TMED5: variants seen among roughly 807,000 people sequenced by gnomAD.
TMED5 encodes the protein transmembrane emp24 domain-containing protein 5.
In TMED5, 27 loss-of-function variants were observed where a neutral mutation model predicts 23.0. The observed-to-expected ratio is 1.17, with a 90% confidence interval of 0.86 to 1.62. TMED5 has a LOEUF of 1.62. Among genes scored for constraint, TMED5 ranks in the 40% most tolerant of loss-of-function variants. TMED5 has a pLI of 0.00. For synonymous variants in TMED5, 97 were observed against 100.8 expected (o/e 0.96, Z 0.23); for missense variants, 248 against 273.7 (o/e 0.91, Z 0.66).
intron 1 of TMED5, among the ~76,000 whole-genome samples, chr1:93,164,655 C>T (rs1197495640): frequency 6.6e-6 from 1 of 152,118 alleles, no homozygotes; most frequent in East Asian, 1.9e-4. Context: ...AAAATGTAGT[C>T]CTCCATCGTG....
rs1160202723 is a variant in TMED5, at chr1:93,152,255, CTTAG to C, written c.*2411_*2414del. 2.0e-5 allele frequency: 3 copies of C among 152,142 alleles called. No homozygotes were observed. The highest frequency in any genetic ancestry group is 6.6e-5 in the Admixed American group (1 of 15,242). 9.4% of individuals were successfully genotyped at this position (152,142 alleles called of 1,614,324 possible). On this transcript the variant is annotated 3_prime_UTR_variant, in exon 4 of 4. Coordinates refer to ENST00000370282, the MANE Select transcript of TMED5 (RefSeq NM_016040.5). ...GCTACATTATGGAAATCGGTTGGGC[CTTAG>C]TTAAATATTGTAGTATTTTTAAAAT...
At chr1:93,163,375 C>T (rs1429377810) in intron 1 of TMED5, among the ~76,000 whole-genome samples, 4 of 147,050 alleles carry the variant, frequency 2.7e-5, no homozygotes, top group East Asian at 2.0e-4. Context: ...GACACAGTCT[C>T]GCTTTGTTGC....
intron 3 of TMED5, among the ~76,000 whole-genome samples, chr1:93,155,285 G>T (rs557548752): frequency 6.6e-6 from 1 of 152,150 alleles, no homozygotes; most frequent in East Asian, 1.9e-4. Context: ...ACAATTTTAA[G>T]TTAGATGGCT....
In TMED5 at chr1:93,153,870, C is replaced by A. The variant is rs75625538; in HGVS notation, c.*800G>T. 1.3e-5 allele frequency: 2 copies of A among 152,132 alleles called. No homozygotes were observed. The highest frequency in any genetic ancestry group is 2.9e-5 in the Non-Finnish European group (2 of 67,980). The allele number at this position is 152,132 out of a possible 1,614,324, so 9.4% of individuals were successfully genotyped here. A position where few individuals can be genotyped will look rare whatever the true frequency, so the allele number is the denominator to read the frequency against. On this transcript the variant is annotated 3_prime_UTR_variant, in exon 4 of 4. Transcript: ENST00000370282. ...TACTATTAAAAATAAACTTATTTTA[C>A]CTCACATTTAATTTTAAAATCCTAC...
chr1:93,178,507 C>G (rs970999956), intron 1 of TMED5, among the ~76,000 whole-genome samples: 4 of 152,180 alleles, frequency 2.6e-5, no homozygotes, highest in Admixed American at 2.6e-4. Context: ...TGTTTATGAG[C>G]CAGTAACCTT....
chr1:93,173,878 TTA>T (rs1283486982), intron 1 of TMED5, among the ~76,000 whole-genome samples: 1 of 152,224 alleles, frequency 6.6e-6, no homozygotes. Flanking sequence ...CTATATGTTT[TTA>T]TGAGTATGGG....
At chr1:93,154,998 G>A (rs1648011520) in intron 3 of TMED5, 110 bp from the exon 4 acceptor site, 1 of 769,310 alleles carries the variant, frequency 1.3e-6, no homozygotes, top group African/African-American at 1.8e-5. Flanking sequence ...TGGAACTTTG[G>A]GAGACTAGGG....
intron 1 of TMED5, among the ~76,000 whole-genome samples, chr1:93,163,876 G>A (rs1278722480): frequency 6.6e-6 from 1 of 151,604 alleles, no homozygotes; most frequent in African/African-American, 2.4e-5. Context: ...TCAGGTACCT[G>A]GGAGGTTGAG....
chr1:93,175,139 TTATATA>T (rs1023667131), intron 1 of TMED5, among the ~76,000 whole-genome samples: 1 of 136,328 alleles, frequency 7.3e-6, no homozygotes, highest in South Asian at 2.2e-4. Context: ...ACCCAGCCAT[TTATATA>T]TATATATTTA....
chr1:93,174,031 C>T (rs1557578727), intron 1 of TMED5, among the ~76,000 whole-genome samples: 1 of 152,002 alleles, frequency 6.6e-6, no homozygotes, highest in African/African-American at 2.4e-5. Context: ...GATCTCGGCT[C>T]ACTGCAATCT....
chr1:93,164,508 G>A (rs1396334039), intron 1 of TMED5, among the ~76,000 whole-genome samples: 3 of 152,046 alleles, frequency 2.0e-5, no homozygotes, highest in East Asian at 1.9e-4. Flanking sequence ...AAGCTTGTCC[G>A]TCTTGGCCTC....
chr1:93,171,770 T>C (rs1648741325), intron 1 of TMED5, among the ~76,000 whole-genome samples: 1 of 152,192 alleles, frequency 6.6e-6, no homozygotes, highest in Non-Finnish European at 1.5e-5. Context: ...GGAAACTACA[T>C]ACCAGTATCT....
Position 93,175,228 on chromosome 1 carries a change from C to T in TMED5, c.189+4826G>A, listed in dbSNP as rs1201812992. 3.7e-5 allele frequency among the ~76,000 whole-genome samples: 5 copies of T among 134,666 alleles called. No homozygotes were observed. In the South Asian group the frequency reaches 8.9e-4, roughly 24 times the overall value. The allele number at this position is 134,666 out of a possible 152,430, so 88.3% of individuals were successfully genotyped here. On this transcript the variant is annotated intron_variant, in intron 1 of 3. Coordinates refer to ENST00000370282, the MANE Select transcript of TMED5 (RefSeq NM_016040.5). Reference sequence around the variant, plus strand: ...ATGGACCTCAAAGGTATCTTTCACTCTTCTTCCTTAGTATCTTGGCACATG... The same window carrying T: ...ATGGACCTCAAAGGTATCTTTCACTTTTCTTCCTTAGTATCTTGGCACATG...
At chr1:93,173,051 G>A (rs1201203916) in intron 1 of TMED5, among the ~76,000 whole-genome samples, 4 of 152,138 alleles carry the variant, frequency 2.6e-5, no homozygotes, top group Non-Finnish European at 5.9e-5. Context: ...GCTGGGGGTG[G>A]GGGACTTGGG....
intron 3 of TMED5, among the ~76,000 whole-genome samples, chr1:93,155,125 C>T (rs899830603): frequency 6.6e-6 from 1 of 152,000 alleles, no homozygotes; most frequent in Non-Finnish European, 1.5e-5. Flanking sequence ...ACTTGGGAGG[C>T]TGAGGTGGGG....
intron 1 of TMED5, among the ~76,000 whole-genome samples, chr1:93,179,492 TA>T (rs1649171213): frequency 6.6e-6 from 1 of 152,152 alleles, no homozygotes; most frequent in Non-Finnish European, 1.5e-5. Flanking sequence ...ATATATAACT[TA>T]AACGGAAATG....
intron 1 of TMED5, among the ~76,000 whole-genome samples, chr1:93,170,744 T>TGC: frequency 6.6e-6 from 1 of 152,294 alleles, no homozygotes; most frequent in African/African-American, 2.4e-5. Flanking sequence ...GGATTTTAAA[T>TGC]ACACCAATCA....
intron 3 of TMED5, among the ~76,000 whole-genome samples, 166 bp from the exon 4 acceptor site, chr1:93,155,054 C>T (rs1206016406): frequency 6.6e-6 from 1 of 152,054 alleles, no homozygotes; most frequent in Non-Finnish European, 1.5e-5. Context: ...GGCTGGACAA[C>T]ACAGACAGAC....
Position 93,151,711 on chromosome 1 carries a change from G to A in TMED5, c.*2959C>T, listed in dbSNP as rs1265799636. 6.6e-6 allele frequency: 1 copy of A among 152,174 alleles called. No individual in the cohort carries two copies. Among genetic ancestry groups the A allele is most frequent in the Non-Finnish European group, 1.5e-5 (1 of 68,030 alleles). 9.4% of individuals were successfully genotyped at this position (152,174 alleles called of 1,614,324 possible). A position where few individuals can be genotyped will look rare whatever the true frequency, so the allele number is the denominator to read the frequency against. On this transcript the variant is annotated 3_prime_UTR_variant, in exon 4 of 4. Coordinates refer to ENST00000370282, the MANE Select transcript of TMED5 (RefSeq NM_016040.5). ...GTACATATAGAAACAGAACTCCAAT[G>A]CAAAGTAGAGTGATGTACAATAAGA...
Sources: allele counts gnomAD v4.1 joint callset (sites outside exome capture counted in the v4.1 genomes callset), GRCh38; gene constraint gnomAD v4.1.1; transcripts MANE v1.5; gene names NCBI Gene and HGNC (gene_info 2026-07-23, HGNC 2026-07-21).